The following IL1RAPL1 variants were observed in gnomAD, a reference collection of about 807,000 sequenced individuals.
The protein encoded by IL1RAPL1 is interleukin-1 receptor accessory protein-like 1.
Under a neutral mutation model 48.4 loss-of-function variants are expected in IL1RAPL1, and 3 were observed. The observed-to-expected ratio is 0.06, with a 90% confidence interval of 0.03 to 0.16. The LOEUF is 0.16. Among genes scored for constraint, IL1RAPL1 ranks in the 10% least tolerant of loss-of-function variants. IL1RAPL1 has a pLI of 1.00. For missense variants in IL1RAPL1, 349 were observed against 530.6 expected (o/e 0.66, Z 3.36); for synonymous variants, 185 against 187.7 (o/e 0.99, Z 0.12).
chrX:29,406,563 A>C (rs970130399), intron 5 of IL1RAPL1, among the ~76,000 whole-genome samples: 4 of 111,675 alleles, frequency 3.6e-5, no homozygotes, highest in Non-Finnish European at 7.5e-5. Flanking sequence ...TTTTTGCCAT[A>C]ACTTTGCGGG....
intron 2 of IL1RAPL1, among the ~76,000 whole-genome samples, chrX:28,859,771 T>C (rs976397724): frequency 9.3e-5 from 10 of 108,058 alleles, no homozygotes; most frequent in African/African-American, 3.0e-4. Flanking sequence ...ATAATATTGA[T>C]ATACAATAAT....
chrX:29,311,637 C>A (rs1449051020), intron 3 of IL1RAPL1, among the ~76,000 whole-genome samples: 1 of 111,930 alleles, frequency 8.9e-6, no homozygotes, highest in Non-Finnish European at 1.9e-5. Context: ...TGTAAATAGC[C>A]ATATGTTGCT....
At chrX:29,248,195 C>T (rs1931549836) in intron 2 of IL1RAPL1, among the ~76,000 whole-genome samples, 1 of 111,464 alleles carries the variant, frequency 9.0e-6, no homozygotes, top group African/African-American at 3.3e-5. Context: ...GCAGACGGGT[C>T]GCTTGAGGTC....
intron 5 of IL1RAPL1, among the ~76,000 whole-genome samples, chrX:29,541,905 G>A (rs1276254959): frequency 3.6e-5 from 4 of 110,700 alleles, no homozygotes; most frequent in South Asian, 3.8e-4. Flanking sequence ...AAACCCACAC[G>A]TGTAGCCCCT....
chrX:28,744,159 G>A (rs762208917), intron 1 of IL1RAPL1, among the ~76,000 whole-genome samples: 4 of 109,774 alleles, frequency 3.6e-5, no homozygotes, highest in South Asian at 7.8e-4. Flanking sequence ...TATCTTATAC[G>A]CATATCTATG....
intron 2 of IL1RAPL1, among the ~76,000 whole-genome samples, chrX:29,069,628 AACACACACACACAC>A (rs56373899): frequency 0.026 from 2,156 of 83,705 alleles, 56 homozygotes; most frequent in African/African-American, 0.086. Flanking sequence ...TTTCCTATAG[AACACACACACACAC>A]ACACACACAC....
intron 6 of IL1RAPL1, among the ~76,000 whole-genome samples, chrX:29,724,724 C>T (rs1455071740): frequency 9.0e-6 from 1 of 111,626 alleles, no homozygotes; most frequent in Non-Finnish European, 1.9e-5. Context: ...ATACCTAGAG[C>T]CTCCACTTCT....
intron 6 of IL1RAPL1, among the ~76,000 whole-genome samples, chrX:29,904,544 C>T (rs754210757): frequency 4.5e-4 from 48 of 106,901 alleles, no homozygotes; most frequent in Non-Finnish European, 7.6e-4. Flanking sequence ...CCCGACAGGC[C>T]CCAGTGTGTG....
At chrX:29,194,495 C>G (rs141658694) in intron 2 of IL1RAPL1, among the ~76,000 whole-genome samples, 6,017 of 112,109 alleles carry the variant, frequency 0.054, 173 homozygotes, top group Non-Finnish European at 0.081. Flanking sequence ...GTGCTAGACA[C>G]TATTACAGAA....
intron 8 of IL1RAPL1, among the ~76,000 whole-genome samples, chrX:29,929,670 A>G: frequency 8.9e-6 from 1 of 111,782 alleles, no homozygotes; most frequent in East Asian, 2.8e-4. Flanking sequence ...CCGACTTACA[A>G]TGGTTGCCAA....
At chrX:29,210,407 G>T (rs1930747912) in intron 2 of IL1RAPL1, among the ~76,000 whole-genome samples, 1 of 111,814 alleles carries the variant, frequency 8.9e-6, no homozygotes, top group Non-Finnish European at 1.9e-5. Flanking sequence ...TACAGCAAAG[G>T]ACTCTGAATA....
Position 29,913,821 on chromosome X carries a change from C to A in IL1RAPL1, c.779-3643C>A, listed in dbSNP as rs376145823. Among the ~76,000 whole-genome samples the A allele has an allele frequency of 3.6e-5, 4 of 111,378 alleles. No individual in the cohort carries two copies. The East Asian group carries it at 8.4e-4, about 23-fold the overall frequency. On this transcript the variant is annotated intron_variant, in intron 6 of 10. Coordinates refer to ENST00000378993, the MANE Select transcript of IL1RAPL1 (RefSeq NM_014271.4). Reference sequence around the variant, plus strand: ...ATGGAAGTCTCACATTTTCCACATGCCATACATAGAACAGCGCTGCTCCTG... The same window carrying A: ...ATGGAAGTCTCACATTTTCCACATGACATACATAGAACAGCGCTGCTCCTG...
intron 2 of IL1RAPL1, among the ~76,000 whole-genome samples, chrX:29,081,020 C>CTCTCTCTTTCTTTTCTTTTCTTTTCT (rs1555960745): frequency 4.8e-5 from 2 of 41,914 alleles, no homozygotes; most frequent in East Asian, 9.0e-4. Context: ...CTCTCTCTCT[C>CTCTCTCTTTCTTTTCTTTTCTTTTCT]TTTCTTTTCT....
intron 5 of IL1RAPL1, among the ~76,000 whole-genome samples, chrX:29,557,801 G>A (rs190298566): frequency 2.7e-5 from 3 of 110,731 alleles, no homozygotes; most frequent in Non-Finnish European, 5.7e-5. Context: ...ATTTTACTTA[G>A]CATAATGTCT....
At chrX:29,682,144 G>T (rs1926471809) in intron 6 of IL1RAPL1, among the ~76,000 whole-genome samples, 1 of 111,571 alleles carries the variant, frequency 9.0e-6, no homozygotes, top group Non-Finnish European at 1.9e-5. Flanking sequence ...GGTCTTAATT[G>T]ATATTCTTTT....
chrX:28,731,597 T>TA (rs1162533901), intron 1 of IL1RAPL1, among the ~76,000 whole-genome samples: 1 of 111,878 alleles, frequency 8.9e-6, no homozygotes, highest in East Asian at 2.8e-4. Context: ...TTCATTTTTT[T>TA]ATCAGTGCGT....
At chrX:29,451,625 T>C (rs1478893481) in intron 5 of IL1RAPL1, among the ~76,000 whole-genome samples, 1 of 111,986 alleles carries the variant, frequency 8.9e-6, no homozygotes, top group Non-Finnish European at 1.9e-5. Context: ...TCTCTCTCTG[T>C]GTGTATATAT....
intron 2 of IL1RAPL1, among the ~76,000 whole-genome samples, chrX:28,861,258 C>A (rs1234190495): frequency 8.9e-6 from 1 of 111,794 alleles, no homozygotes; most frequent in African/African-American, 3.3e-5. Flanking sequence ...CTGACTTTCA[C>A]AAGAGGCTCC....
At chrX:29,037,485 T>A (rs1212748064) in intron 2 of IL1RAPL1, among the ~76,000 whole-genome samples, 1 of 111,660 alleles carries the variant, frequency 9.0e-6, no homozygotes, top group African/African-American at 3.3e-5. Flanking sequence ...TTTTAAAAAA[T>A]TATAAAATAG....
Sources: gnomAD v4.1 joint callset for allele counts (sites outside exome capture counted in the v4.1 genomes callset) on GRCh38, gnomAD v4.1.1 for gene constraint, MANE v1.5 for transcripts, NCBI Gene and HGNC (gene_info 2026-07-23, HGNC 2026-07-21) for gene names.